The following SIMC1 variants were observed in gnomAD, a reference collection of about 807,000 sequenced individuals.
The protein encoded by SIMC1 is SUMO-interacting motif-containing protein 1.
Under a neutral mutation model 82.3 loss-of-function variants are expected in SIMC1, and 55 were observed. That is an observed-to-expected ratio of 0.67 (90% confidence interval 0.54 to 0.84). SIMC1 has a LOEUF of 0.84. Ranked by LOEUF, SIMC1 falls within the 40% of genes least tolerant of loss-of-function variation. The pLI is 0.00. For missense variants in SIMC1, 915 were observed against 1,107.2 expected, an observed-to-expected ratio of 0.83 and a Z score of 2.46; for synonymous variants, 353 against 426.3, an observed-to-expected ratio of 0.83 and a Z score of 2.12.
At chr5:176,338,551 A>G (rs1208691147) in intron 9 of SIMC1, among the ~76,000 whole-genome samples, 1 of 152,214 alleles carries the variant, frequency 6.6e-6, no homozygotes, top group East Asian at 1.9e-4. Flanking sequence ...ATTTTTGATA[A>G]TCATACTGGA....
intron 7 of SIMC1, among the ~76,000 whole-genome samples, chr5:176,327,129 G>GTT (rs2113382223): frequency 6.6e-6 from 1 of 152,228 alleles, no homozygotes; most frequent in African/African-American, 2.4e-5. Flanking sequence ...CCAGATGCTG[G>GTT]TAAGAAATGG....
At position 176,304,715 on chromosome 5, in the gene SIMC1, C is replaced by T. The variant is rs538325480; in HGVS notation, c.1734+8395C>T. ...CTGGAAAGTGAGGAGCGTCTCCGCC[C>T]GGCCGCCATCCCATCTAGGAAGTGA... On this transcript the variant is annotated intron_variant, in intron 4 of 9. Coordinates refer to ENST00000429602, the MANE Select transcript of SIMC1 (RefSeq NM_001308195.2). Among the ~76,000 whole-genome samples the T allele has an allele frequency of 1.3e-3, 189 of 150,180 alleles. 1 individual carries two copies. Among genetic ancestry groups the T allele is most frequent in the African/African-American group, 4.4e-3 (179 of 40,792 alleles).
intron 1 of SIMC1, among the ~76,000 whole-genome samples, chr5:176,269,329 T>A (rs1326687047): frequency 6.6e-6 from 1 of 152,110 alleles, no homozygotes; most frequent in African/African-American, 2.4e-5. Context: ...GGGATAAAAA[T>A]AGGAATTGGG....
chr5:176,301,187 C>T (rs551605556), intron 4 of SIMC1, among the ~76,000 whole-genome samples: 2 of 152,174 alleles, frequency 1.3e-5, no homozygotes, highest in South Asian at 4.2e-4. Context: ...ATGGGAGGGA[C>T]CTGGTGGGAG....
rs556396605 is a variant in SIMC1, at chr5:176,258,033, A to G, written c.129+19396A>G. On this transcript the variant is annotated intron_variant, in intron 1 of 9. Transcript: ENST00000429602. ...TAATTAAAGGAGAGTTAATGTCTTT[A>G]CAATATTGTCTTTCTAAGCGGAAGT... is the stretch of plus-strand genomic sequence containing the variant. 1.3e-4 allele frequency among the ~76,000 whole-genome samples: 20 copies of G among 152,344 alleles called. No homozygotes were observed. In the East Asian group the frequency reaches 3.5e-3, roughly 26 times the overall value.
intron 5 of SIMC1, 115 bp downstream of exon 5, chr5:176,313,960 G>C: frequency 7.5e-7 from 1 of 1,336,378 alleles, no homozygotes; most frequent in Non-Finnish European, 1.0e-6. Flanking sequence ...TAGTGTAATA[G>C]GGCTAATTTT....
intron 9 of SIMC1, among the ~76,000 whole-genome samples, chr5:176,344,793 AC>A (rs1271867691): frequency 1.3e-5 from 2 of 152,190 alleles, no homozygotes; most frequent in East Asian, 3.8e-4. Flanking sequence ...CCCACCTCCA[AC>A]ATCAGGGATT....
At chr5:176,325,456 C>T (rs540864359) in intron 7 of SIMC1, among the ~76,000 whole-genome samples, 5 of 151,728 alleles carry the variant, frequency 3.3e-5, no homozygotes, top group East Asian at 3.9e-4. Flanking sequence ...GAGACCAAGG[C>T]GGGCGGATCA....
intron 4 of SIMC1, among the ~76,000 whole-genome samples, chr5:176,299,070 C>A (rs1385977099): frequency 1.3e-5 from 2 of 152,230 alleles, no homozygotes; most frequent in African/African-American, 4.8e-5. Flanking sequence ...ATGCCATCTA[C>A]AAGAGTCCCA....
chr5:176,282,997 A>G (rs1763083795), intron 1 of SIMC1, among the ~76,000 whole-genome samples: 1 of 152,240 alleles, frequency 6.6e-6, no homozygotes, highest in Non-Finnish European at 1.5e-5. Flanking sequence ...AGAAACGAAC[A>G]AAGCCTCCAA....
At chr5:176,283,625 A>G (rs899222514) in intron 1 of SIMC1, among the ~76,000 whole-genome samples, 31 of 152,228 alleles carry the variant, frequency 2.0e-4, no homozygotes, top group African/African-American at 7.2e-4. Flanking sequence ...ACTAATGAGC[A>G]AACTAACCAG....
At chr5:176,280,076 T>C (rs1762918946) in intron 1 of SIMC1, among the ~76,000 whole-genome samples, 1 of 152,160 alleles carries the variant, frequency 6.6e-6, no homozygotes. Context: ...CAGTGGGGTG[T>C]TAAAGTCTCC....
chr5:176,296,660 C>T (rs1763828672), intron 4 of SIMC1: 1 of 239,414 alleles, frequency 4.2e-6, no homozygotes, highest in Non-Finnish European at 8.1e-6. Flanking sequence ...CAGAGCAAGA[C>T]CCTGTCTTAA....
At chr5:176,301,934 G>A (rs1764059856) in intron 4 of SIMC1, among the ~76,000 whole-genome samples, 1 of 152,122 alleles carries the variant, frequency 6.6e-6, no homozygotes, top group African/African-American at 2.4e-5. Context: ...TTGACTACAT[G>A]GGGGGACTGG....
At chr5:176,310,087 AAAT>A (rs1581293349) in intron 4 of SIMC1, among the ~76,000 whole-genome samples, 1 of 152,372 alleles carries the variant, frequency 6.6e-6, no homozygotes, top group East Asian at 1.9e-4. Flanking sequence ...CAGGGAATGC[AAAT>A]TGAAACCACA....
intron 2 of SIMC1, among the ~76,000 whole-genome samples, chr5:176,291,637 G>A (rs918757090): frequency 6.6e-6 from 1 of 151,680 alleles, no homozygotes; most frequent in Non-Finnish European, 1.5e-5. Flanking sequence ...CGCCTGGCAC[G>A]CCCGGCTAAT....
intron 1 of SIMC1, among the ~76,000 whole-genome samples, chr5:176,282,739 A>G (rs1763071836): frequency 6.6e-6 from 1 of 152,246 alleles, no homozygotes; most frequent in Admixed American, 6.5e-5. Context: ...CTAAAGGAGC[A>G]TGTTTGAACC....
chr5:176,312,536 C>CAAAA (rs10551875), intron 4 of SIMC1, among the ~76,000 whole-genome samples: 2 of 70,008 alleles, frequency 2.9e-5, no homozygotes, highest in Admixed American at 1.8e-4. Context: ...GACTCCATCT[C>CAAAA]AAAAAAAAAA....
Position 176,246,219 on chromosome 5 carries a change from C to T in SIMC1, c.129+7582C>T, listed in dbSNP as rs561130389. 7.3e-3 allele frequency among the ~76,000 whole-genome samples: 1,114 copies of T among 151,794 alleles called. 16 individuals are homozygous for T. The highest frequency in any genetic ancestry group is 0.025 in the African/African-American group (1,037 of 41,358). Reference sequence around the variant, plus strand: ...TAGAGACGGGGTTTCACCATATTGGCCAGGCTGGTCTCAAACTGCTGACCT... The same window carrying T: ...TAGAGACGGGGTTTCACCATATTGGTCAGGCTGGTCTCAAACTGCTGACCT... On this transcript the variant is annotated intron_variant, in intron 1 of 9. Coordinates refer to ENST00000429602, the MANE Select transcript of SIMC1 (RefSeq NM_001308195.2).
Sources: gnomAD v4.1 joint callset for allele counts (sites outside exome capture counted in the v4.1 genomes callset) on GRCh38, gnomAD v4.1.1 for gene constraint, MANE v1.5 for transcripts, NCBI Gene and HGNC (gene_info 2026-07-23, HGNC 2026-07-21) for gene names.